The following MCTP1 variants were observed in gnomAD, a reference collection of about 807,000 sequenced individuals.
MCTP1 encodes multiple C2 and transmembrane domain-containing protein 1.
A neutral mutation model predicts 120.6 loss-of-function variants in MCTP1; 69 were observed. The observed-to-expected ratio is 0.57, with a 90% confidence interval of 0.47 to 0.70. MCTP1 has a LOEUF of 0.70. Ranked by LOEUF, MCTP1 falls within the 30% of genes least tolerant of loss-of-function variation. The pLI, the probability that MCTP1 is intolerant of heterozygous loss-of-function variation, is 0.00. For synonymous variants in MCTP1, 529 were observed against 493.1 expected (o/e 1.07, Z -0.96); for missense variants, 1,203 against 1,248.8 (o/e 0.96, Z 0.55).
chr5:94,728,859 T>C (rs931192139), intron 19 of MCTP1, among the ~76,000 whole-genome samples: 5 of 152,212 alleles, frequency 3.3e-5, no homozygotes, highest in African/African-American at 1.2e-4. Context: ...GTATTTTGTT[T>C]AGCCAAATCT....
chr5:95,248,755 C>A (rs1387601423), intron 1 of MCTP1, among the ~76,000 whole-genome samples: 1 of 152,190 alleles, frequency 6.6e-6, no homozygotes, highest in Non-Finnish European at 1.5e-5. Context: ...CATCACGCTA[C>A]CTGACTTCAA....
intron 11 of MCTP1, among the ~76,000 whole-genome samples, chr5:94,893,838 G>A (rs72775377): frequency 4.5e-4 from 68 of 152,288 alleles, no homozygotes; most frequent in Non-Finnish European, 8.2e-4. Context: ...AACACCTGGC[G>A]GCACTGTACA....
intron 19 of MCTP1, among the ~76,000 whole-genome samples, chr5:94,720,443 A>G (rs936418410): frequency 6.6e-6 from 1 of 152,186 alleles, no homozygotes; most frequent in African/African-American, 2.4e-5. Context: ...GTTTATAACA[A>G]AAAGACTAAT....
At chr5:95,082,563 A>C (rs1755059621) in intron 1 of MCTP1, among the ~76,000 whole-genome samples, 1 of 152,228 alleles carries the variant, frequency 6.6e-6, no homozygotes, top group Admixed American at 6.5e-5. Flanking sequence ...ATATAAGGTG[A>C]AGCATATATG....
At chr5:95,174,032 AT>A (rs1438121266) in intron 1 of MCTP1, among the ~76,000 whole-genome samples, 2 of 152,210 alleles carry the variant, frequency 1.3e-5, no homozygotes, top group Non-Finnish European at 2.9e-5. Flanking sequence ...AAACAAGCTA[AT>A]TAAAGGGTCA....
chr5:94,825,068 T>G (rs1412503829), intron 17 of MCTP1, among the ~76,000 whole-genome samples: 2 of 152,190 alleles, frequency 1.3e-5, no homozygotes, highest in Non-Finnish European at 2.9e-5. Context: ...AGTTATTTCT[T>G]GTCTTCTGCT....
chr5:95,083,002 C>A (rs1755118844), intron 1 of MCTP1, among the ~76,000 whole-genome samples: 1 of 152,052 alleles, frequency 6.6e-6, no homozygotes, highest in Admixed American at 6.5e-5. Flanking sequence ...TTGAAATGTT[C>A]TTCTTTATTC....
chr5:95,083,684 G>A (rs1755209461), intron 1 of MCTP1, among the ~76,000 whole-genome samples: 1 of 152,088 alleles, frequency 6.6e-6, no homozygotes, highest in South Asian at 2.1e-4. Context: ...CTGATGAAGA[G>A]AAAAACAAAG....
intron 1 of MCTP1, among the ~76,000 whole-genome samples, chr5:95,270,379 T>C (rs1234802001): frequency 6.6e-6 from 1 of 152,242 alleles, no homozygotes; most frequent in African/African-American, 2.4e-5. Context: ...AACCTAAGTG[T>C]TGCAGTAAAT....
intron 12 of MCTP1, among the ~76,000 whole-genome samples, chr5:94,881,896 C>T (rs867753739): frequency 6.6e-6 from 1 of 152,104 alleles, no homozygotes; most frequent in Admixed American, 6.6e-5. Context: ...AGTCAATGTC[C>T]TTCTTTAAAG....
intron 6 of MCTP1, among the ~76,000 whole-genome samples, chr5:94,928,007 C>G (rs948829236): frequency 2.6e-5 from 4 of 151,800 alleles, no homozygotes; most frequent in African/African-American, 9.7e-5. Flanking sequence ...TCACAGTAGT[C>G]TGTATTATAT....
chr5:94,956,655 A>T (rs574225699), intron 2 of MCTP1, among the ~76,000 whole-genome samples: 11 of 152,266 alleles, frequency 7.2e-5, no homozygotes, highest in African/African-American at 2.6e-4. Flanking sequence ...ATCAAGTGGA[A>T]GAAAGGATAT....
intron 17 of MCTP1, among the ~76,000 whole-genome samples, chr5:94,829,016 A>G (rs1359568779): frequency 4.7e-5 from 1 of 21,232 alleles, no homozygotes; most frequent in East Asian, 4.4e-4. Flanking sequence ...AACAACAACA[A>G]AAAAAAAACT....
At chr5:95,231,175 T>C (rs994990244) in intron 1 of MCTP1, among the ~76,000 whole-genome samples, 3 of 152,260 alleles carry the variant, frequency 2.0e-5, no homozygotes, top group East Asian at 1.9e-4. Flanking sequence ...AGTGGAGTAA[T>C]GTAGGGCCAT....
chr5:94,857,789 C>T (rs746780302), intron 17 of MCTP1, among the ~76,000 whole-genome samples: 1 of 151,644 alleles, frequency 6.6e-6, no homozygotes, highest in Non-Finnish European at 1.5e-5. Flanking sequence ...GCAAACTATA[C>T]CTCACATAAT....
intron 1 of MCTP1, among the ~76,000 whole-genome samples, chr5:95,277,813 C>A (rs1759973537): frequency 6.6e-6 from 1 of 152,040 alleles, no homozygotes; most frequent in Non-Finnish European, 1.5e-5. Flanking sequence ...GGCTAGGACC[C>A]AAGAGAACAG....
chr5:94,928,348 C>T (rs1423328028), intron 6 of MCTP1, among the ~76,000 whole-genome samples: 1 of 152,066 alleles, frequency 6.6e-6, no homozygotes, highest in Non-Finnish European at 1.5e-5. Flanking sequence ...ACAAAATACA[C>T]ATAAATCATC....
intron 1 of MCTP1, among the ~76,000 whole-genome samples, chr5:95,255,042 T>A (rs1757738772): frequency 6.6e-6 from 1 of 152,220 alleles, no homozygotes; most frequent in African/African-American, 2.4e-5. Flanking sequence ...CATGTGTGTA[T>A]GTATATGTGT....
intron 5 of MCTP1, among the ~76,000 whole-genome samples, chr5:94,932,627 A>T (rs560356796): frequency 6.6e-6 from 1 of 152,178 alleles, no homozygotes; most frequent in Admixed American, 6.5e-5. Flanking sequence ...CATCCCCAAG[A>T]TCACTAATCT....
Sources: gnomAD v4.1 joint callset for allele counts (sites outside exome capture counted in the v4.1 genomes callset) on GRCh38, gnomAD v4.1.1 for gene constraint, MANE v1.5 for transcripts, NCBI Gene and HGNC (gene_info 2026-07-23, HGNC 2026-07-21) for gene names.